Variants in GNA14 observed in about 807,000 individuals in gnomAD.
GNA14 encodes the protein guanine nucleotide-binding protein subunit alpha-14.
GNA14 carries 50 observed loss-of-function variants against 42.0 expected under a neutral mutation model. That is an observed-to-expected ratio of 1.19 (90% CI 0.95 to 1.51). The LOEUF (loss-of-function observed/expected upper bound fraction) is 1.51, where lower values mean the gene tolerates loss of function less well. Among genes scored for constraint, GNA14 ranks in the 40% most tolerant of loss-of-function variants. The pLI is 0.00. For missense variants in GNA14, 473 were observed against 446.2 expected, an observed-to-expected ratio of 1.06 and a Z score of -0.54; for synonymous variants, 173 against 163.1, an observed-to-expected ratio of 1.06 and a Z score of -0.46.
rs113086552 is a variant in GNA14 at position 77,598,208 on chromosome 9, T to C, written c.124+49462A>G. 1.4e-3 allele frequency among the ~76,000 whole-genome samples: 220 copies of C among 152,336 alleles called. 2 individuals carry two copies. The highest frequency in any genetic ancestry group is 4.2e-3 in the African/African-American group (174 of 41,578). ...AAAGAACTCTATTACTTTTAGGGGT[T>C]CTATCACCCAAAAAGTTTGGAGCTC... On this transcript the variant is annotated intron_variant, in intron 1 of 6. Transcript: ENST00000341700.
chr9:77,563,100 T>C (rs1411678679), intron 1 of GNA14, among the ~76,000 whole-genome samples: 1 of 152,102 alleles, frequency 6.6e-6, no homozygotes, highest in East Asian at 1.9e-4. Context: ...TGGCAGGGGA[T>C]TAAAGGCTCA....
intron 4 of GNA14, among the ~76,000 whole-genome samples, chr9:77,429,600 ACTC>A (rs1835510907): frequency 6.6e-6 from 1 of 152,048 alleles, no homozygotes; most frequent in Non-Finnish European, 1.5e-5. Flanking sequence ...AATTTCAGCA[ACTC>A]CTAGCCCAGG....
intron 1 of GNA14, among the ~76,000 whole-genome samples, chr9:77,634,458 GGAAA>G (rs1824148924): frequency 1.3e-5 from 2 of 148,396 alleles, no homozygotes; most frequent in African/African-American, 5.0e-5. Flanking sequence ...CGAAAGGAAA[GGAAA>G]GGAAGGAGGG....
chr9:77,493,933 T>C (rs531673165), intron 2 of GNA14, among the ~76,000 whole-genome samples: 11 of 152,166 alleles, frequency 7.2e-5, no homozygotes, highest in Non-Finnish European at 1.3e-4. Flanking sequence ...TTTTTGTTTT[T>C]TGTTTTTGAC....
At chr9:77,470,508 T>C (rs560230089) in intron 2 of GNA14, among the ~76,000 whole-genome samples, 42 of 152,302 alleles carry the variant, frequency 2.8e-4, no homozygotes, top group Non-Finnish European at 4.3e-4. Flanking sequence ...TTATAGCAGA[T>C]TGGGGTATTA....
intron 1 of GNA14, among the ~76,000 whole-genome samples, chr9:77,533,066 C>T (rs1837551665): frequency 6.6e-6 from 1 of 151,844 alleles, no homozygotes; most frequent in African/African-American, 2.4e-5. Context: ...CGTCTCTAGA[C>T]TCTGTTTCAA....
chr9:77,497,855 T>C (rs1294384557), intron 2 of GNA14, among the ~76,000 whole-genome samples: 1 of 151,604 alleles, frequency 6.6e-6, no homozygotes, highest in Non-Finnish European at 1.5e-5. Context: ...TAATTCTCAT[T>C]TGGCAACACG....
intron 2 of GNA14, among the ~76,000 whole-genome samples, chr9:77,464,911 C>T (rs1383533710): frequency 6.6e-6 from 1 of 151,910 alleles, no homozygotes; most frequent in Non-Finnish European, 1.5e-5. Flanking sequence ...GAGGAGAATG[C>T]CGTGTGAAGC....
At chr9:77,425,912 A>C (rs919870475) in intron 5 of GNA14, among the ~76,000 whole-genome samples, 197 bp from the exon 6 acceptor site, 3 of 152,034 alleles carry the variant, frequency 2.0e-5, no homozygotes, top group Non-Finnish European at 2.9e-5. Flanking sequence ...GCCTCTTACT[A>C]ACCATCCCCT....
intron 1 of GNA14, among the ~76,000 whole-genome samples, chr9:77,612,349 G>T (rs1823747795): frequency 6.6e-6 from 1 of 152,122 alleles, no homozygotes; most frequent in Non-Finnish European, 1.5e-5. Context: ...CATGGGAAAA[G>T]TTCTCCTCTA....
At chr9:77,647,389 G>A (rs1008120686) in intron 1 of GNA14, among the ~76,000 whole-genome samples, 2 of 152,156 alleles carry the variant, frequency 1.3e-5, no homozygotes, top group African/African-American at 4.8e-5. Context: ...GGGGCACACC[G>A]GAACACATAA....
chr9:77,582,253 G>C (rs897084913), intron 1 of GNA14, among the ~76,000 whole-genome samples: 1 of 152,190 alleles, frequency 6.6e-6, no homozygotes, highest in African/African-American at 2.4e-5. Context: ...TTTTAGGTTT[G>C]TGCTGCTACT....
intron 2 of GNA14, among the ~76,000 whole-genome samples, chr9:77,441,950 T>C (rs983354190): frequency 3.4e-4 from 51 of 152,182 alleles, no homozygotes; most frequent in Non-Finnish European, 4.7e-4. Context: ...GTTTTTCCTA[T>C]AGAAAATAAA....
At chr9:77,499,010 A>G (rs957908126) in intron 2 of GNA14, among the ~76,000 whole-genome samples, 1 of 152,174 alleles carries the variant, frequency 6.6e-6, no homozygotes, top group Admixed American at 6.5e-5. Context: ...ACTTGGCCTG[A>G]TATGTGGGGT....
At chr9:77,451,264 G>C (rs1392697892) in intron 2 of GNA14, among the ~76,000 whole-genome samples, 1 of 152,122 alleles carries the variant, frequency 6.6e-6, no homozygotes, top group Admixed American at 6.5e-5. Flanking sequence ...GGGGAGGTGG[G>C]GGTGGTCTTT....
chr9:77,555,519 TC>T (rs1822760829), intron 1 of GNA14, among the ~76,000 whole-genome samples: 1 of 152,080 alleles, frequency 6.6e-6, no homozygotes, highest in Admixed American at 6.6e-5. Flanking sequence ...AAGAAAAACA[TC>T]CCCACATATA....
chr9:77,488,193 A>T (rs1234799345), intron 2 of GNA14, among the ~76,000 whole-genome samples: 1 of 152,206 alleles, frequency 6.6e-6, no homozygotes, highest in Non-Finnish European at 1.5e-5. Flanking sequence ...GAAATTTAAA[A>T]AACTGTGAGG....
At chr9:77,531,154 C>T (rs1275004233) in intron 1 of GNA14, among the ~76,000 whole-genome samples, 1 of 152,110 alleles carries the variant, frequency 6.6e-6, no homozygotes, top group Non-Finnish European at 1.5e-5. Flanking sequence ...AGGCAGGGCC[C>T]GAGATTCACA....
chr9:77,523,675 T>C (rs1360375205), intron 2 of GNA14, among the ~76,000 whole-genome samples: 1 of 152,164 alleles, frequency 6.6e-6, no homozygotes, highest in Non-Finnish European at 1.5e-5. Context: ...AAATACAACA[T>C]GACCCCAGTG....
Sources: allele counts gnomAD v4.1 joint callset (sites outside exome capture counted in the v4.1 genomes callset), GRCh38; gene constraint gnomAD v4.1.1; transcripts MANE v1.5; gene names NCBI Gene and HGNC (gene_info 2026-07-23, HGNC 2026-07-21).